CAPN2: variants seen among roughly 807,000 people sequenced by gnomAD.
The protein encoded by CAPN2 is calpain 2.
In CAPN2, 92 loss-of-function variants were observed where a neutral mutation model predicts 102.3. The observed-to-expected ratio is 0.90, with a 90% CI of 0.76 to 1.07. The LOEUF is 1.07. Among genes scored for constraint, CAPN2 ranks in the 50% least tolerant of loss-of-function variants. The pLI is 0.00. For synonymous variants in CAPN2, 340 were observed against 355.4 expected, an observed-to-expected ratio of 0.96 and a Z score of 0.49; for missense variants, 800 against 909.4, an observed-to-expected ratio of 0.88 and a Z score of 1.55.
rs756825096 is a variant in CAPN2 at position 223,712,569 on chromosome 1, C to G, written c.-72C>G. The G allele has an allele frequency of 1.5e-6, 2 of 1,357,048 alleles. No individual in the cohort carries two copies. The highest frequency in any genetic ancestry group is 1.9e-6 in the Non-Finnish European group (2 of 1,057,600). 84.1% of individuals were successfully genotyped at this position (1,357,048 alleles called of 1,614,324 possible). ...CCGCAGCAGCGCGCCGGGCCCTGGC[C>G]GCGCCCCAGCCGAGCGCAGCGCGGA... is the stretch of plus-strand genomic sequence containing the variant. On this transcript the variant is annotated 5_prime_UTR_variant, in exon 1 of 21. Coordinates refer to ENST00000295006, the MANE Select transcript of CAPN2 (RefSeq NM_001748.5).
chr1:223,749,265 G>A (rs1441878700), intron 6 of CAPN2, 143 bp downstream of exon 6: 7 of 675,092 alleles, frequency 1.0e-5, no homozygotes, highest in Non-Finnish European at 1.5e-5. Context: ...AGTTCCGCGC[G>A]GGAGGAGAAG....
At chr1:223,761,899 C>T (rs1331891026) in intron 13 of CAPN2, among the ~76,000 whole-genome samples, 2 of 152,160 alleles carry the variant, frequency 1.3e-5, no homozygotes, top group Non-Finnish European at 2.9e-5. Flanking sequence ...TAGAATAGAT[C>T]CTAAAAGGCC....
At chr1:223,717,982 G>A (rs1203749329) in intron 2 of CAPN2, 151 bp downstream of exon 2, 13 of 668,960 alleles carry the variant, frequency 1.9e-5, no homozygotes, top group East Asian at 5.5e-5. Context: ...TGGCCCTAGC[G>A]GGCAATGATT....
intron 20 of CAPN2, among the ~76,000 whole-genome samples, chr1:223,774,383 A>G (rs1661559565): frequency 6.6e-6 from 1 of 152,120 alleles, no homozygotes; most frequent in Non-Finnish European, 1.5e-5. Context: ...ATTCCATCAC[A>G]TGGGGAGCTT....
chr1:223,705,281 T>A (rs1487947326), intron 1 of CAPN2, among the ~76,000 whole-genome samples: 1 of 152,176 alleles, frequency 6.6e-6, no homozygotes, highest in Non-Finnish European at 1.5e-5. Context: ...CAAGCACTGG[T>A]GATTCTTGCA....
chr1:223,752,089 T>G lies in CAPN2; in HGVS notation c.974+18T>G. ...GAATTCTGGTAAGATTAGTGGAGGCTTCAGGGAAAGCTCTGTCTGCCCCAA... is the reference window on the plus strand; with the variant it reads ...GAATTCTGGTAAGATTAGTGGAGGCGTCAGGGAAAGCTCTGTCTGCCCCAA... On this transcript the variant is annotated intron_variant, in intron 8 of 20. Transcript: ENST00000295006. The G allele has an allele frequency of 1.3e-6, 2 of 1,570,290 alleles. No individual in the cohort carries two copies. The highest frequency in any genetic ancestry group is 2.2e-5 in the South Asian group (2 of 89,570).
intron 2 of CAPN2, among the ~76,000 whole-genome samples, chr1:223,735,956 C>G (rs912277835): frequency 6.6e-6 from 1 of 152,054 alleles, no homozygotes; most frequent in African/African-American, 2.4e-5. Flanking sequence ...ATTTTTGTAT[C>G]TTTAGTAGTG....
At chr1:223,710,284 G>C (rs1659701477), upstream of CAPN2, among the ~76,000 whole-genome samples, 1 of 151,936 alleles carries the variant, frequency 6.6e-6, no homozygotes. Context: ...TACATCTCAA[G>C]AAAAACAAAA....
intron 2 of CAPN2, among the ~76,000 whole-genome samples, chr1:223,737,704 G>GGGT (rs1553254041): frequency 7.9e-5 from 2 of 25,322 alleles, no homozygotes; most frequent in African/African-American, 1.7e-4. Context: ...AAAAGAGACG[G>GGGT]GGCGGGGGGT....
chr1:223,711,964 T>C (rs956773754), upstream of CAPN2, among the ~76,000 whole-genome samples: 3 of 152,192 alleles, frequency 2.0e-5, no homozygotes, highest in African/African-American at 7.2e-5. Flanking sequence ...ATTGCAGCAT[T>C]GTGATTGCAA....
At chr1:223,742,013 G>C (rs746083405) in intron 2 of CAPN2, among the ~76,000 whole-genome samples, 3 of 152,192 alleles carry the variant, frequency 2.0e-5, no homozygotes, top group Non-Finnish European at 2.9e-5. Flanking sequence ...TCAAAGAGCT[G>C]TAAGCAACCA....
chr1:223,744,637 G>T (rs1345682265), intron 3 of CAPN2, among the ~76,000 whole-genome samples: 1 of 152,176 alleles, frequency 6.6e-6, no homozygotes, highest in Non-Finnish European at 1.5e-5. Flanking sequence ...GAGGTGGGCA[G>T]ATCATTTGAG....
intron 2 of CAPN2, among the ~76,000 whole-genome samples, chr1:223,724,025 C>T (rs888994707): frequency 1.3e-5 from 2 of 151,682 alleles, no homozygotes; most frequent in Non-Finnish European, 2.9e-5. Context: ...GGAGCCAGAC[C>T]ACGCCCCTAT....
rs2102820523 is a variant in CAPN2 at position 223,775,510 on chromosome 1, T to G, written c.*653T>G. 6.6e-6 allele frequency: 1 copy of G among 152,548 alleles called. No individual in the cohort carries two copies. The highest frequency in any genetic ancestry group is 1.9e-4 in the East Asian group (1 of 5,192). The allele number at this position is 152,548 out of a possible 1,614,324, so 9.4% of individuals were successfully genotyped here. A position where few individuals can be genotyped will look rare whatever the true frequency, so the allele number is the denominator to read the frequency against. On this transcript the variant is annotated 3_prime_UTR_variant, in exon 21 of 21. Coordinates refer to ENST00000295006, the MANE Select transcript of CAPN2 (RefSeq NM_001748.5). ...ATCAAGTTCTTGACCCTATTCGGCC[T>G]TATACATCTGGTCTTACAAAGACCA...
intron 2 of CAPN2, among the ~76,000 whole-genome samples, chr1:223,730,674 G>A (rs1660316781): frequency 2.0e-5 from 3 of 152,262 alleles, no homozygotes; most frequent in Middle Eastern, 6.8e-3. Flanking sequence ...AGGCTGGTCA[G>A]CTGTGCCTGA....
chr1:223,764,883 C>T (rs775309613), intron 15 of CAPN2, among the ~76,000 whole-genome samples: 15 of 152,164 alleles, frequency 9.9e-5, no homozygotes, highest in South Asian at 8.3e-4. Flanking sequence ...CCACCGTGCC[C>T]GGCCACATCT....
rs1428146594 is a variant in CAPN2, at chr1:223,747,034, A to C, written c.598A>C (p.Thr200Pro). Residue 200 changes from threonine to proline, a missense_variant, in exon 5 of 21, where the codon ACC becomes CCC. Coordinates refer to ENST00000295006, the MANE Select transcript of CAPN2 (RefSeq NM_001748.5). ...GCYEALSGGA[T>P]TEGFEDFTGG... ...CTATGAAGCGCTATCAGGGGGTGCC[A>C]CCACTGAGGGCTTCGAAGACTTCAC... 1 of 1,613,934 alleles carries C rather than the reference A, an allele frequency of 6.2e-7. No homozygotes were observed. Among genetic ancestry groups the C allele is most frequent in the Admixed American group, 1.7e-5 (1 of 60,022 alleles).
chr1:223,730,051 A>G (rs1180274131), intron 2 of CAPN2, among the ~76,000 whole-genome samples: 1 of 150,338 alleles, frequency 6.7e-6, no homozygotes. Flanking sequence ...ACCTGAAATC[A>G]GTTGAAAAGT....
At chr1:223,772,387 C>T in intron 20 of CAPN2, 148 bp downstream of exon 20, 1 of 606,606 alleles carries the variant, frequency 1.6e-6, no homozygotes, top group South Asian at 2.1e-5. Flanking sequence ...TTGTAAGATC[C>T]CACAATGCAC....
Sources: gnomAD v4.1 joint callset for allele counts (sites outside exome capture counted in the v4.1 genomes callset) on GRCh38, gnomAD v4.1.1 for gene constraint, MANE v1.5 for transcripts, NCBI Gene and HGNC (gene_info 2026-07-23, HGNC 2026-07-21) for gene names.